The following NDUFS7 variants were observed in gnomAD, a reference collection of about 807,000 sequenced individuals.
NDUFS7 encodes NADH:ubiquinone oxidoreductase core subunit S7.
A neutral mutation model predicts 31.1 loss-of-function variants in NDUFS7; 11 were observed. The ratio of observed to expected loss-of-function variants is 0.35; its 90% CI spans 0.22 to 0.59. The LOEUF (loss-of-function observed/expected upper bound fraction) is 0.59, where lower values mean the gene tolerates loss of function less well. Ranked by LOEUF, NDUFS7 falls within the 20% of genes least tolerant of loss-of-function variation. The pLI, the probability that NDUFS7 is intolerant of heterozygous loss-of-function variation, is 0.79. For missense variants in NDUFS7, 263 were observed against 324.2 expected (o/e 0.81, Z 1.45); for synonymous variants, 136 against 127.9 (o/e 1.06, Z -0.43).
chr19:1,389,279 T>A, intron 4 of NDUFS7: 1 of 597,752 alleles, frequency 1.7e-6, no homozygotes, highest in South Asian at 1.5e-5. Flanking sequence ...ACACGCACAC[T>A]CGCACACACG....
intron 2 of NDUFS7, 75 bp downstream of exon 2, chr19:1,387,922 G>GT (rs2082519906): frequency 9.4e-6 from 4 of 423,326 alleles, no homozygotes; most frequent in African/African-American, 4.9e-5. Flanking sequence ...GGGGGGGGTG[G>GT]GGGGTGGGGG....
At chr19:1,387,880 AGG>A (rs766587042) in intron 2 of NDUFS7, 33 bp downstream of exon 2, 33 of 1,256,064 alleles carry the variant, frequency 2.6e-5, no homozygotes, top group Non-Finnish European at 3.3e-5. Context: ...CTCAGCTGGG[AGG>A]GGCCTTCAGC....
intron 1 of NDUFS7, chr19:1,387,171 T>A (rs546488520): frequency 6.3e-6 from 1 of 157,730 alleles, no homozygotes; most frequent in African/African-American, 2.4e-5. Flanking sequence ...TCCTGCAGGA[T>A]GGGGCCTGTG....
At chr19:1,394,265 T>G in intron 7 of NDUFS7, 2 of 923,052 alleles carry the variant, frequency 2.2e-6, no homozygotes, top group Non-Finnish European at 3.0e-6. Flanking sequence ...CCGGGGGCAG[T>G]GGAGAGGGCA....
At chr19:1,391,251 C>T (rs1392485499) in intron 6 of NDUFS7, 86 bp downstream of exon 6, 17 of 1,493,272 alleles carry the variant, frequency 1.1e-5, no homozygotes, top group African/African-American at 1.4e-5. Context: ...TCAAAAGTGT[C>T]ATCTACATTC....
intron 7 of NDUFS7, chr19:1,394,285 T>A: frequency 1.8e-6 from 2 of 1,139,884 alleles, no homozygotes; most frequent in Non-Finnish European, 2.3e-6. Context: ...AGCCTGGGCC[T>A]CCCTGTGACT....
At chr19:1,384,043 C>A in intron 1 of NDUFS7, 101 bp downstream of exon 1, 1 of 1,310,730 alleles carries the variant, frequency 7.6e-7, no homozygotes, top group Non-Finnish European at 1.0e-6. Flanking sequence ...GGCGTCGTGG[C>A]CGCGGTCCTC....
At chr19:1,394,289 T>G in intron 7 of NDUFS7, 8 of 1,176,888 alleles carry the variant, frequency 6.8e-6, no homozygotes, top group Non-Finnish European at 9.0e-6. Context: ...TGGGCCTCCC[T>G]GTGACTTGAC....
At position 1,394,866 on chromosome 19, in the gene NDUFS7, T is replaced by G. The variant is rs73515054; in HGVS notation, c.545-525T>G. On this transcript the variant is annotated intron_variant, in intron 7 of 7. Transcript: ENST00000233627. ...TTCGTCCTCTTGCTCAAGCCCTTTG[T>G]TCTGAACCTGCGTGGCAGCCGGGAC... The G allele has an allele frequency of 2.6e-6, 3 of 1,134,924 alleles. No homozygotes were observed. In the Admixed American group the frequency reaches 1.3e-4, roughly 51 times the overall value. The allele number at this position is 1,134,924 out of a possible 1,614,324, so 70.3% of individuals were successfully genotyped here. A position where few individuals can be genotyped will look rare whatever the true frequency, so the allele number is the denominator to read the frequency against.
chr19:1,394,609 CCCCT>C (rs2082582360), intron 7 of NDUFS7: 1 of 1,215,458 alleles, frequency 8.2e-7, no homozygotes, highest in Non-Finnish European at 1.0e-6. Context: ...GGGGACCGCG[CCCCT>C]CCCTCCCAGC....
chr19:1,389,152 C>T (rs923269820), intron 4 of NDUFS7: 38 of 701,148 alleles, frequency 5.4e-5, no homozygotes, highest in South Asian at 7.5e-5. Flanking sequence ...TATGCACACT[C>T]GCACACATGC....
intron 7 of NDUFS7, chr19:1,394,980 C>T (rs2082585982): frequency 9.8e-6 from 11 of 1,125,380 alleles, no homozygotes; most frequent in Non-Finnish European, 1.2e-5. Context: ...GGGCCACCTC[C>T]CCTCCCTCCG....
At chr19:1,391,082 CAG>C in intron 5 of NDUFS7, 32 bp downstream of exon 5, 1 of 1,612,290 alleles carries the variant, frequency 6.2e-7, no homozygotes, top group Non-Finnish European at 8.5e-7. Context: ...CAGCCGCCCC[CAG>C]AGTGAGCTGC....
At chr19:1,388,381 C>A in intron 2 of NDUFS7, 144 bp from the exon 3 acceptor site, 1 of 770,216 alleles carries the variant, frequency 1.3e-6, no homozygotes, top group Non-Finnish European at 2.2e-6. Flanking sequence ...GCTCCAGCGG[C>A]TCTGGCCAGT....
Position 1,393,056 on chromosome 19 carries a change from C to G in NDUFS7, c.456-186C>G. The G allele has an allele frequency of 4.8e-6, 3 of 619,176 alleles. No individual in the cohort carries two copies. Among genetic ancestry groups the G allele is most frequent in the Non-Finnish European group, 8.7e-6 (3 of 343,388 alleles). 38.4% of individuals were successfully genotyped at this position (619,176 alleles called of 1,614,324 possible). ...GTTATCAGCCACGTGTGAGCTTGCG[C>G]CCCACTGGTCCCACAGAGGCTCTGG... On this transcript the variant is annotated intron_variant, in intron 6 of 7. Transcript: ENST00000233627. The surrounding 1 kb of genome is among the most constrained non-coding windows in gnomAD (Gnocchi z 7.3).
chr19:1,388,390 G>A (rs928187023), intron 2 of NDUFS7, 135 bp from the exon 3 acceptor site: 2 of 827,592 alleles, frequency 2.4e-6, no homozygotes, highest in African/African-American at 1.7e-5. Flanking sequence ...GCTCTGGCCA[G>A]TGGCCCAAGT....
intron 1 of NDUFS7, among the ~76,000 whole-genome samples, chr19:1,386,084 A>G (rs2082505722): frequency 6.6e-6 from 1 of 152,170 alleles, no homozygotes; most frequent in Non-Finnish European, 1.5e-5. Context: ...GGACGGGGCC[A>G]TGGGAAACAG....
intron 1 of NDUFS7, chr19:1,384,197 G>T: frequency 2.0e-6 from 1 of 508,366 alleles, no homozygotes; most frequent in Non-Finnish European, 3.4e-6. Flanking sequence ...GAAGGCGCTC[G>T]GGGTGGAGGC....
At chr19:1,395,191 C>T in intron 7 of NDUFS7, 200 bp from the exon 8 acceptor site, 2 of 1,423,630 alleles carry the variant, frequency 1.4e-6, no homozygotes, top group African/African-American at 1.4e-5. Context: ...GGGCCTTGCC[C>T]AGGGGAGGAC....
Sources: allele counts gnomAD v4.1 joint callset (sites outside exome capture counted in the v4.1 genomes callset), GRCh38; gene constraint gnomAD v4.1.1; non-coding constraint Gnocchi (gnomAD v3.1); transcripts MANE v1.5; gene names NCBI Gene and HGNC (gene_info 2026-07-23, HGNC 2026-07-21).